The following RGS6 variants were observed in gnomAD, a reference collection of about 807,000 sequenced individuals.
RGS6 encodes the protein regulator of G-protein signaling 6.
A neutral mutation model predicts 78.5 loss-of-function variants in RGS6; 30 were observed. The ratio of observed to expected loss-of-function variants is 0.38; its 90% CI spans 0.29 to 0.52. The LOEUF is 0.52. Among genes scored for constraint, RGS6 ranks in the 20% least tolerant of loss-of-function variants. The pLI is 0.85. For missense variants in RGS6, 495 were observed against 609.7 expected (o/e 0.81, Z 1.98); for synonymous variants, 206 against 206.0 (o/e 1.00, Z 0.00).
the RGS6 span, chr14:72,619,465 C>CTT: frequency 4.4e-6 from 6 of 1,367,380 alleles, no homozygotes; most frequent in Non-Finnish European, 6.0e-6. Flanking sequence ...TTCCTTTGAA[C>CTT]TTTGGCAATG....
At chr14:71,941,068 C>T (rs991626111) in intron 1 of RGS6, among the ~76,000 whole-genome samples, 1 of 152,170 alleles carries the variant, frequency 6.6e-6, no homozygotes, top group African/African-American at 2.4e-5. Flanking sequence ...TCAGTATCTG[C>T]TTCTGAAGCT....
intron 2 of RGS6, among the ~76,000 whole-genome samples, chr14:72,169,310 GCT>G (rs1480026086): frequency 6.6e-6 from 1 of 152,098 alleles, no homozygotes; most frequent in Non-Finnish European, 1.5e-5. Flanking sequence ...GTTAATGTAA[GCT>G]CTGTGGAATT....
At chr14:72,521,252 T>C (rs189338756) in intron 15 of RGS6, among the ~76,000 whole-genome samples, 8 of 152,328 alleles carry the variant, frequency 5.3e-5, no homozygotes, top group Non-Finnish European at 7.3e-5. Flanking sequence ...CTCATTTGCT[T>C]TATACTACAC....
intron 2 of RGS6, among the ~76,000 whole-genome samples, chr14:72,017,182 G>A (rs2087208976): frequency 6.6e-6 from 1 of 152,082 alleles, no homozygotes; most frequent in African/African-American, 2.4e-5. Flanking sequence ...GACTACAGGT[G>A]CTCACCACCA....
chr14:72,615,809 A>C, the RGS6 span, among the ~76,000 whole-genome samples: 1 of 152,332 alleles, frequency 6.6e-6, no homozygotes, highest in South Asian at 2.1e-4. Flanking sequence ...CCCTGTTTCT[A>C]TTTCCACATA....
chr14:72,376,120 CA>C (rs1399162085), intron 3 of RGS6, among the ~76,000 whole-genome samples: 2 of 151,820 alleles, frequency 1.3e-5, no homozygotes, highest in Admixed American at 1.3e-4. Context: ...ATCATGAAAA[CA>C]ATAAGTCATT....
In RGS6 at chr14:72,440,558, A is replaced by T. The variant is rs2095152257; in HGVS notation, c.185-13970A>T. 2.0e-5 allele frequency among the ~76,000 whole-genome samples: 3 copies of T among 151,842 alleles called. No homozygotes were observed. The South Asian group carries it at 6.3e-4, about 32-fold the overall frequency. The stretch of plus-strand genomic sequence containing the variant: ...CTCCCATGTAGCTGGGATTACAGGT[A>T]CATGCCACCATGCCCGGCTAATTTT... On this transcript the variant is annotated intron_variant, in intron 3 of 17. Transcript: ENST00000553525.
At chr14:72,494,978 A>G (rs952923480) in intron 12 of RGS6, among the ~76,000 whole-genome samples, 174 bp from the exon 13 acceptor site, 4 of 152,270 alleles carry the variant, frequency 2.6e-5, no homozygotes, top group Admixed American at 6.5e-5. Flanking sequence ...GTTCGTTATA[A>G]GAAGGAAATA....
At chr14:72,435,040 T>G (rs965317259) in intron 3 of RGS6, among the ~76,000 whole-genome samples, 5 of 152,232 alleles carry the variant, frequency 3.3e-5, no homozygotes, top group Admixed American at 1.3e-4. Flanking sequence ...TGTTTGAGCC[T>G]CTAAACTTCA....
intron 2 of RGS6, among the ~76,000 whole-genome samples, chr14:72,064,668 G>C (rs1041422027): frequency 6.6e-6 from 1 of 152,158 alleles, no homozygotes; most frequent in African/African-American, 2.4e-5. Context: ...CATTTCAGTT[G>C]GGCCACCAAG....
At chr14:72,080,288 A>AT (rs893963359) in intron 2 of RGS6, among the ~76,000 whole-genome samples, 24 of 150,410 alleles carry the variant, frequency 1.6e-4, no homozygotes, top group Non-Finnish European at 2.4e-4. Flanking sequence ...TAGTGTTGTT[A>AT]TTTTTTTTTC....
At chr14:72,547,214 G>A (rs2097419899) in intron 17 of RGS6, 1 of 1,535,546 alleles carries the variant, frequency 6.5e-7, no homozygotes. Context: ...GAGGGGGCCA[G>A]AGAAAGAGCA....
chr14:72,360,767 G>T (rs1005200083), intron 3 of RGS6, among the ~76,000 whole-genome samples: 1 of 152,116 alleles, frequency 6.6e-6, no homozygotes, highest in Non-Finnish European at 1.5e-5. Flanking sequence ...ATAGAACTTT[G>T]ATTGTGACTG....
At chr14:72,494,728 C>T (rs1201806816) in intron 12 of RGS6, among the ~76,000 whole-genome samples, 5 of 152,120 alleles carry the variant, frequency 3.3e-5, no homozygotes, top group South Asian at 2.1e-4. Context: ...AAAGTCCTTC[C>T]GTTGGGAATG....
intron 15 of RGS6, among the ~76,000 whole-genome samples, chr14:72,530,031 T>A (rs2097163114): frequency 6.6e-6 from 1 of 152,250 alleles, no homozygotes; most frequent in Non-Finnish European, 1.5e-5. Flanking sequence ...TTTATCCTGC[T>A]CTATTTTGAT....
In RGS6 at chr14:72,472,900, A is replaced by G; in HGVS notation, c.565A>G (p.Arg189Gly). The G allele has an allele frequency of 6.2e-7, 1 of 1,613,530 alleles. No homozygotes were observed. Among genetic ancestry groups the G allele is most frequent in the South Asian group, 1.1e-5 (1 of 91,038 alleles). The change falls in exon 9 of 18, where the codon AGG becomes GGG. Residue 189 changes from arginine to glycine, a missense_variant. By Grantham distance (125) the Arg-to-Gly change is moderately radical. Coordinates refer to ENST00000553525, the MANE Select transcript of RGS6 (RefSeq NM_001204424.2). ...TGACCGGAAAAAAGACAAGACAGAAAGGAAAATTTTGGATAGTCAAGAACG... is the reference window on the plus strand; with the variant it reads ...TGACCGGAAAAAAGACAAGACAGAAGGGAAAATTTTGGATAGTCAAGAACG... ...KIDRKKDKTERKILDSQERAF... is the reference protein window; with the variant it reads ...KIDRKKDKTEGKILDSQERAF...
At chr14:71,870,061 G>A in the RGS6 span, among the ~76,000 whole-genome samples, 1 of 152,182 alleles carries the variant, frequency 6.6e-6, no homozygotes, top group African/African-American at 2.4e-5. Context: ...AATGGACTAA[G>A]ACAGTAGTTT....
At chr14:72,376,903 T>C (rs868802127) in intron 3 of RGS6, among the ~76,000 whole-genome samples, 32 of 152,140 alleles carry the variant, frequency 2.1e-4, no homozygotes, top group Middle Eastern at 6.8e-3. Context: ...TAAAACTTAT[T>C]GATGGAGCCA....
chr14:72,628,536 A>G, the RGS6 span, among the ~76,000 whole-genome samples: 7 of 152,200 alleles, frequency 4.6e-5, 1 homozygote, highest in South Asian at 1.2e-3. Context: ...CAATCCAGTC[A>G]AAGGTCATCA....
Sources: gnomAD v4.1 joint callset for allele counts (sites outside exome capture counted in the v4.1 genomes callset) on GRCh38, gnomAD v4.1.1 for gene constraint, MANE v1.5 for transcripts, NCBI Gene and HGNC (gene_info 2026-07-23, HGNC 2026-07-21) for gene names.